SCFD2: variants seen among roughly 807,000 people sequenced by gnomAD.
SCFD2 encodes the protein sec1 family domain containing 2.
A neutral mutation model predicts 58.9 loss-of-function variants in SCFD2; 54 were observed. That is an observed-to-expected ratio of 0.92 (90% CI 0.74 to 1.15). The LOEUF is 1.15. Ranked by LOEUF, SCFD2 falls within the 50% of genes most tolerant of loss-of-function variation. SCFD2 has a pLI of 0.00. For missense variants in SCFD2, 805 were observed against 836.6 expected, an observed-to-expected ratio of 0.96 and a Z score of 0.47; for synonymous variants, 321 against 335.9, an observed-to-expected ratio of 0.96 and a Z score of 0.49.
At chr4:53,051,268 C>A (rs1415554916) in intron 5 of SCFD2, among the ~76,000 whole-genome samples, 1 of 152,186 alleles carries the variant, frequency 6.6e-6, no homozygotes, top group Non-Finnish European at 1.5e-5. Context: ...CTTAAATTTT[C>A]TTCTTCTTGG....
intron 4 of SCFD2, among the ~76,000 whole-genome samples, chr4:53,253,647 C>T (rs977809446): frequency 1.5e-4 from 23 of 148,566 alleles, no homozygotes; most frequent in Non-Finnish European, 3.3e-4. Flanking sequence ...GAACAAAAAA[C>T]CAAACACCAC....
At chr4:52,965,442 C>T (rs1720942215) in intron 5 of SCFD2, among the ~76,000 whole-genome samples, 1 of 152,176 alleles carries the variant, frequency 6.6e-6, no homozygotes, top group Admixed American at 6.5e-5. Flanking sequence ...CCCTGCCATG[C>T]TAGTGTTCAT....
chr4:52,885,246 T>C, intron 8 of SCFD2, among the ~76,000 whole-genome samples: 1 of 152,100 alleles, frequency 6.6e-6, no homozygotes, highest in East Asian at 1.9e-4. Context: ...TATCCCTCCA[T>C]ATCTGGAGCC....
intron 5 of SCFD2, among the ~76,000 whole-genome samples, chr4:53,113,147 T>C (rs1225111930): frequency 1.3e-5 from 2 of 152,068 alleles, no homozygotes; most frequent in African/African-American, 4.8e-5. Flanking sequence ...AACTCAAACA[T>C]TGCCTCCTAA....
rs989771249 is a variant in SCFD2, at chr4:53,214,988, C to T, written c.1311+58838G>A. Among the ~76,000 whole-genome samples, 7 of 152,054 alleles carry T rather than the reference C, an allele frequency of 4.6e-5. 1 individual carries two copies. The highest frequency in any genetic ancestry group is 1.5e-4 in the African/African-American group (6 of 41,336). On this transcript the variant is annotated intron_variant, in intron 4 of 8. Coordinates refer to ENST00000401642, the MANE Select transcript of SCFD2 (RefSeq NM_152540.4). ...AGATATGCGGCGTTATTTCTGAGGG[C>T]TCTGTTCTGTTCCATTGGTCTATAT...
At chr4:53,261,359 T>C (rs1730823414) in intron 4 of SCFD2, among the ~76,000 whole-genome samples, 1 of 152,142 alleles carries the variant, frequency 6.6e-6, no homozygotes, top group Admixed American at 6.5e-5. Flanking sequence ...CTTTTTGATG[T>C]AGGCATTTAG....
intron 8 of SCFD2, among the ~76,000 whole-genome samples, chr4:52,880,805 C>T (rs537303082): frequency 6.6e-6 from 1 of 152,296 alleles, no homozygotes; most frequent in South Asian, 2.1e-4. Context: ...CAGAGATTCC[C>T]TCCCTGTTAT....
intron 5 of SCFD2, among the ~76,000 whole-genome samples, chr4:52,966,039 A>T (rs1157144339): frequency 6.6e-6 from 1 of 152,194 alleles, no homozygotes; most frequent in Non-Finnish European, 1.5e-5. Flanking sequence ...AAATGGCACG[A>T]TCCTATGAAA....
chr4:53,340,535 C>T (rs775609339), intron 2 of SCFD2, among the ~76,000 whole-genome samples: 1 of 152,206 alleles, frequency 6.6e-6, no homozygotes, highest in Non-Finnish European at 1.5e-5. Flanking sequence ...CCTCTGGGGA[C>T]AGGGCATAGC....
chr4:53,340,861 G>T (rs990699728), intron 2 of SCFD2, among the ~76,000 whole-genome samples: 2 of 152,180 alleles, frequency 1.3e-5, no homozygotes, highest in Non-Finnish European at 2.9e-5. Flanking sequence ...GTCTGGAGTG[G>T]ACCTCCAGCA....
chr4:53,119,127 G>A (rs752191091), intron 5 of SCFD2, among the ~76,000 whole-genome samples: 5 of 152,074 alleles, frequency 3.3e-5, no homozygotes, highest in Non-Finnish European at 4.4e-5. Flanking sequence ...AGACCAGCCC[G>A]GCCAACATAG....
At chr4:53,004,246 A>G (rs1298342512) in intron 5 of SCFD2, among the ~76,000 whole-genome samples, 1 of 152,222 alleles carries the variant, frequency 6.6e-6, no homozygotes, top group African/African-American at 2.4e-5. Context: ...TCCAGTGGGT[A>G]TCTCAGCTAC....
chr4:52,925,259 GTA>G (rs764577308), intron 5 of SCFD2, among the ~76,000 whole-genome samples: 19 of 147,360 alleles, frequency 1.3e-4, no homozygotes, highest in Middle Eastern at 7.3e-3. Flanking sequence ...GGCCACATGT[GTA>G]TATATATATA....
intron 2 of SCFD2, among the ~76,000 whole-genome samples, chr4:53,328,929 T>G (rs1470890189): frequency 3.9e-5 from 6 of 152,208 alleles, no homozygotes; most frequent in African/African-American, 1.2e-4. Context: ...ATTGCCTCAC[T>G]TGGGAAGCGC....
In SCFD2 at chr4:52,887,299, C is replaced by A. The variant is rs188427009; in HGVS notation, c.1843-1433G>T. Among the ~76,000 whole-genome samples, 451 of 152,234 alleles carry A rather than the reference C, an allele frequency of 3.0e-3. 3 individuals carry two copies. The highest frequency in any genetic ancestry group is 0.01 in the African/African-American group (434 of 41,534). ...AGCTGAGGGTCCATGTTGCATGGAACCTACACTAGATGCTGTGGAGAATTC... is the reference window on the plus strand; with the variant it reads ...AGCTGAGGGTCCATGTTGCATGGAAACTACACTAGATGCTGTGGAGAATTC... On this transcript the variant is annotated intron_variant, in intron 7 of 8. Transcript: ENST00000401642.
At chr4:53,243,845 C>T (rs1454165291) in intron 4 of SCFD2, among the ~76,000 whole-genome samples, 20 of 152,114 alleles carry the variant, frequency 1.3e-4, no homozygotes, top group Non-Finnish European at 1.5e-4. Context: ...GGTTTCAATC[C>T]TAATTTCAGA....
chr4:52,895,353 G>A (rs1560473021), intron 7 of SCFD2, among the ~76,000 whole-genome samples: 2 of 152,078 alleles, frequency 1.3e-5, no homozygotes, highest in Non-Finnish European at 2.9e-5. Flanking sequence ...CCCAGTGTGT[G>A]ATGTTCCCCT....
intron 5 of SCFD2, chr4:52,955,883 A>C (rs973047223): frequency 1.7e-5 from 6 of 356,152 alleles, no homozygotes; most frequent in East Asian, 1.5e-4. Flanking sequence ...AGCATGCTCT[A>C]ATTGAAGGAA....
At chr4:53,044,258 C>T (rs1010876395) in intron 5 of SCFD2, among the ~76,000 whole-genome samples, 1 of 152,124 alleles carries the variant, frequency 6.6e-6, no homozygotes, top group Non-Finnish European at 1.5e-5. Flanking sequence ...GCTCTACCTC[C>T]CCAACCCTGC....
Sources: gnomAD v4.1 joint callset for allele counts (sites outside exome capture counted in the v4.1 genomes callset) on GRCh38, gnomAD v4.1.1 for gene constraint, MANE v1.5 for transcripts, NCBI Gene and HGNC (gene_info 2026-07-23, HGNC 2026-07-21) for gene names.